The following MAP3K13 variants were observed in gnomAD, a reference collection of about 807,000 sequenced individuals.
The protein encoded by MAP3K13 is leucine zipper-bearing kinase.
MAP3K13 carries 52 observed loss-of-function variants against 104.0 expected under a neutral mutation model. The ratio of observed to expected loss-of-function variants is 0.50; its 90% CI spans 0.40 to 0.63. The LOEUF (loss-of-function observed/expected upper bound fraction) is 0.63, where lower values mean the gene tolerates loss of function less well. Ranked by LOEUF, MAP3K13 falls within the 20% of genes least tolerant of loss-of-function variation. The pLI is 0.00. For missense variants in MAP3K13, 914 were observed against 1,218.5 expected, an observed-to-expected ratio of 0.75 and a Z score of 3.72; for synonymous variants, 394 against 442.2, an observed-to-expected ratio of 0.89 and a Z score of 1.37.
intron 2 of MAP3K13, 44 bp from the exon 3 acceptor site, chr3:185,437,403 C>T: frequency 1.3e-6 from 2 of 1,563,346 alleles, no homozygotes; most frequent in Non-Finnish European, 8.7e-7. Context: ...TAGAGTGGTC[C>T]CTTCTGAGAT....
chr3:185,454,854 TAC>T lies in MAP3K13; in HGVS notation c.1278+3461_1278+3462del, dbSNP rs1491308555. Among the ~76,000 whole-genome samples, 88 of 71,574 alleles carry T rather than the reference TAC, an allele frequency of 1.2e-3. 2 individuals carry two copies. The highest frequency in any genetic ancestry group is 0.025 in the Middle Eastern group (1 of 40). The allele number at this position is 71,574 out of a possible 152,430, so 47.0% of individuals were successfully genotyped here. A position where few individuals can be genotyped will look rare whatever the true frequency, so the allele number is the denominator to read the frequency against. ...ATACATGATATATATATGAGATATA[TAC>T]ATGATATATATATGAGATATATATA... On this transcript the variant is annotated intron_variant, in intron 7 of 13. Coordinates refer to ENST00000265026, the MANE Select transcript of MAP3K13 (RefSeq NM_004721.5).
rs115273558 is a variant in MAP3K13, at chr3:185,313,498, T to A, written c.-86+27855T>A. 2.1e-3 allele frequency among the ~76,000 whole-genome samples: 315 copies of A among 152,028 alleles called. 1 individual carries two copies. The highest frequency in any genetic ancestry group is 6.8e-3 in the African/African-American group (284 of 41,504). On this transcript the variant is annotated intron_variant, in intron 2 of 14. Transcript: ENST00000424227. Reference sequence around the variant, plus strand: ...GTTAGCCAGGATGGTCTCGATGTCTTCACCTCGTGATCTGCCCACCTCGGC... The same window carrying A: ...GTTAGCCAGGATGGTCTCGATGTCTACACCTCGTGATCTGCCCACCTCGGC...
intron 2 of MAP3K13, chr3:185,291,498 C>A: frequency 2.1e-6 from 2 of 946,654 alleles, no homozygotes; most frequent in Non-Finnish European, 2.9e-6. Flanking sequence ...TTTGTTCTTT[C>A]AGCATGGTAT....
At chr3:185,370,467 A>AT (rs35753461) in intron 1 of MAP3K13, among the ~76,000 whole-genome samples, 75,561 of 151,644 alleles carry the variant, frequency 0.5, 19,958 homozygotes, top group Middle Eastern at 0.64. Context: ...AAGTGCTGGG[A>AT]TTACAGGCGT....
In MAP3K13 at chr3:185,450,335, T is replaced by G. The variant is rs1715813562; in HGVS notation, c.1169+277T>G. 6.6e-6 allele frequency among the ~76,000 whole-genome samples: 1 copy of G among 152,232 alleles called. No homozygotes were observed. Among genetic ancestry groups the G allele is most frequent in the African/African-American group, 2.4e-5 (1 of 41,472 alleles). ...TGTTATTATCTCAAAATAGTAGGCC[T>G]TGGTCAATGATAGCTACTATTTCTT... On this transcript the variant is annotated intron_variant, in intron 6 of 13. Transcript: ENST00000265026. This position sits in a 1 kb window ranked among gnomAD's most constrained non-coding sequence, Gnocchi z 4.2.
At chr3:185,406,412 T>C (rs1178708057) in intron 1 of MAP3K13, among the ~76,000 whole-genome samples, 1 of 152,228 alleles carries the variant, frequency 6.6e-6, no homozygotes, top group Non-Finnish European at 1.5e-5. Flanking sequence ...TTCTAGCTAT[T>C]GTGCAATTTA....
chr3:185,316,879 A>AG (rs1721697141), intron 2 of MAP3K13, among the ~76,000 whole-genome samples: 1 of 152,216 alleles, frequency 6.6e-6, no homozygotes, highest in South Asian at 2.1e-4. Flanking sequence ...TTGGGCAGGA[A>AG]GGACGATGAC....
Position 185,450,161 on chromosome 3 carries a change from G to A in MAP3K13, c.1169+103G>A. ...AGGAGCTTTGGAGTAGGAGAATCTT[G>A]GGTTCAAATACTAGCTCTGCCCCTT... On this transcript the variant is annotated intron_variant, in intron 6 of 13. Transcript: ENST00000265026. This position sits in a 1 kb window ranked among gnomAD's most constrained non-coding sequence, Gnocchi z 4.2. 2.7e-6 allele frequency: 3 copies of A among 1,096,858 alleles called. No individual in the cohort carries two copies. Among genetic ancestry groups the A allele is most frequent in the Non-Finnish European group, 3.7e-6 (3 of 801,420 alleles). The allele number at this position is 1,096,858 out of a possible 1,614,324, so 67.9% of individuals were successfully genotyped here. A position where few individuals can be genotyped will look rare whatever the true frequency, so the allele number is the denominator to read the frequency against.
At chr3:185,432,821 T>A (rs939080698) in intron 2 of MAP3K13, among the ~76,000 whole-genome samples, 2 of 152,246 alleles carry the variant, frequency 1.3e-5, no homozygotes. Flanking sequence ...GAAACAGCCC[T>A]GGTCAGCTTA....
In MAP3K13 at chr3:185,487,171, G is replaced by GT. The variant is rs143169037; in HGVS notation, c.*4715_*4716insT. 5.3e-5 allele frequency: 2 copies of GT among 37,446 alleles called. No homozygotes were observed. The highest frequency in any genetic ancestry group is 1.3e-4 in the African/African-American group (1 of 7,728). The allele number at this position is 37,446 out of a possible 1,614,324, so 2.3% of individuals were successfully genotyped here. A position where few individuals can be genotyped will look rare whatever the true frequency, so the allele number is the denominator to read the frequency against. ...CCTGGCACCAACCCAGACTTTTTTT[G>GT]GGGGGGGGTGAGGGCGCAGGATCTC... is the stretch of plus-strand genomic sequence containing the variant. On this transcript the variant is annotated 3_prime_UTR_variant, in exon 14 of 14. Transcript: ENST00000265026.
At chr3:185,377,488 G>A (rs1050862617) in intron 1 of MAP3K13, among the ~76,000 whole-genome samples, 2 of 152,154 alleles carry the variant, frequency 1.3e-5, no homozygotes, top group African/African-American at 4.8e-5. Flanking sequence ...AGTCAGGGAA[G>A]CAGATAATTT....
At chr3:185,451,066 A>G (rs1038751901) in intron 6 of MAP3K13, among the ~76,000 whole-genome samples, 8 of 152,184 alleles carry the variant, frequency 5.3e-5, no homozygotes, top group African/African-American at 1.2e-4. Flanking sequence ...CTCCAGCCTG[A>G]GTGACAGAGC....
chr3:185,358,422 C>T (rs1450538741), upstream of MAP3K13, among the ~76,000 whole-genome samples: 1 of 152,022 alleles, frequency 6.6e-6, no homozygotes, highest in East Asian at 1.9e-4. Context: ...TATGAATCTT[C>T]CTTATAATAA....
intron 4 of MAP3K13, among the ~76,000 whole-genome samples, chr3:185,446,859 G>A (rs776851657): frequency 1.3e-5 from 2 of 152,128 alleles, no homozygotes; most frequent in African/African-American, 4.8e-5. Context: ...TATTGATAAC[G>A]GTGCCTTATG....
rs376245195 is a variant in MAP3K13 at position 185,453,852 on chromosome 3, GAGAT to G, written c.1278+2459_1278+2462del. 4.1e-3 allele frequency among the ~76,000 whole-genome samples: 51 copies of G among 12,432 alleles called. 7 individuals carry two copies. Among genetic ancestry groups the G allele is most frequent in the East Asian group, 0.023 (3 of 128 alleles). The allele number at this position is 12,432 out of a possible 152,430, so 8.2% of individuals were successfully genotyped here. A position where few individuals can be genotyped will look rare whatever the true frequency, so the allele number is the denominator to read the frequency against. Reference sequence around the variant, plus strand: ...ATATATATATATGATACATATATATGAGATATATATATATGATACATATATATGA... The same window carrying G: ...ATATATATATATGATACATATATATGATATATATATGATACATATATATGA... On this transcript the variant is annotated intron_variant, in intron 7 of 13. Coordinates refer to ENST00000265026, the MANE Select transcript of MAP3K13 (RefSeq NM_004721.5).
intron 2 of MAP3K13, among the ~76,000 whole-genome samples, chr3:185,286,033 T>C (rs187339039): frequency 2.7e-4 from 41 of 152,258 alleles, no homozygotes; most frequent in African/African-American, 9.9e-4. Flanking sequence ...AGTATATGTA[T>C]CAAATCTACT....
In MAP3K13 at chr3:185,473,582, G is replaced by T; in HGVS notation, c.2251G>T (p.Val751Leu). The T allele has an allele frequency of 6.2e-7, 1 of 1,614,170 alleles. No homozygotes were observed. The highest frequency in any genetic ancestry group is 8.5e-7 in the Non-Finnish European group (1 of 1,180,034). The change falls in exon 11 of 14, where the codon GTG becomes TTG. Residue 751 changes from valine (V) to leucine (L), a missense_variant. This residue lies in a region of MAP3K13 where 583 missense variants were observed against 737.4 expected (regional missense o/e 0.79). Transcript: ENST00000265026. This position sits in a 1 kb window ranked among gnomAD's most constrained non-coding sequence, Gnocchi z 4.9. The stretch of plus-strand genomic sequence containing the variant: ...CTTAGACATACCCTCTGCTGAGCCA[G>T]TGGGGAGGAGCCCTGACCTTTCCAA... ...GSLDIPSAEP[V>L]GRSPDLSKSP...
chr3:185,384,297 A>C lies in MAP3K13; in HGVS notation c.-86+20929A>C, dbSNP rs137949556. 2.3e-5 allele frequency among the ~76,000 whole-genome samples: 3 copies of C among 129,218 alleles called. No individual in the cohort carries two copies. In the East Asian group the frequency reaches 7.4e-4, roughly 32 times the overall value. The allele number at this position is 129,218 out of a possible 152,430, so 84.8% of individuals were successfully genotyped here. A position where few individuals can be genotyped will look rare whatever the true frequency, so the allele number is the denominator to read the frequency against. ...ATTCCATTCTTTTTTATGACTAAATAGTATTCCATTCTGTGTGTGTGTGTG... is the reference window on the plus strand; with the variant it reads ...ATTCCATTCTTTTTTATGACTAAATCGTATTCCATTCTGTGTGTGTGTGTG... On this transcript the variant is annotated intron_variant, in intron 1 of 13. Transcript: ENST00000265026.
At chr3:185,348,689 C>T (rs6782913) in intron 2 of MAP3K13, among the ~76,000 whole-genome samples, 1,680 of 152,196 alleles carry the variant, frequency 0.011, 36 homozygotes, top group African/African-American at 0.038. Flanking sequence ...GAGGCCGAGG[C>T]GGGTGGATCA....
Sources: allele counts gnomAD v4.1 joint callset (sites outside exome capture counted in the v4.1 genomes callset), GRCh38; gene constraint gnomAD v4.1.1; regional missense constraint gnomAD v4.1.1; non-coding constraint Gnocchi (gnomAD v3.1); transcripts MANE v1.5; gene names NCBI Gene and HGNC (gene_info 2026-07-23, HGNC 2026-07-21).